PHF20: variants seen among roughly 807,000 people sequenced by gnomAD.
PHF20 encodes the protein glioma-expressed antigen 2.
PHF20 carries 23 observed loss-of-function variants against 113.5 expected under a neutral mutation model. That is an observed-to-expected ratio of 0.20 (90% CI 0.15 to 0.29). The LOEUF (loss-of-function observed/expected upper bound fraction) is 0.29. PHF20 is among the 10% of genes least tolerant of loss of function. PHF20 has a pLI of 1.00. For synonymous variants in PHF20, 434 were observed against 457.3 expected, an observed-to-expected ratio of 0.95 and a Z score of 0.65; for missense variants, 943 against 1,219.6, an observed-to-expected ratio of 0.77 and a Z score of 3.38.
chr20:35,863,424 C>A, intron 6 of PHF20, 24 bp downstream of exon 6: 1 of 1,558,672 alleles, frequency 6.4e-7, no homozygotes. Flanking sequence ...GTGGGCTCTG[C>A]AATGGGCAAT....
intron 13 of PHF20, among the ~76,000 whole-genome samples, chr20:35,921,993 G>A (rs58832721): frequency 0.011 from 1,602 of 152,278 alleles, 18 homozygotes; most frequent in East Asian, 0.04. Flanking sequence ...TCTATAAGTA[G>A]CAAGGATCTT....
At chr20:35,886,618 A>G (rs933652294) in intron 9 of PHF20, among the ~76,000 whole-genome samples, 3 of 152,220 alleles carry the variant, frequency 2.0e-5, no homozygotes, top group African/African-American at 7.2e-5. Flanking sequence ...ACACATGACA[A>G]TGAGAAGTGG....
intron 2 of PHF20, among the ~76,000 whole-genome samples, chr20:35,837,623 T>C (rs773641478): frequency 5.9e-5 from 9 of 152,250 alleles, no homozygotes; most frequent in Admixed American, 1.3e-4. Context: ...CAGTTGATTA[T>C]CAGCAATTAA....
intron 1 of PHF20, among the ~76,000 whole-genome samples, chr20:35,781,621 C>G (rs1305441218): frequency 6.6e-6 from 1 of 152,154 alleles, no homozygotes; most frequent in African/African-American, 2.4e-5. Context: ...GTGCAACCAT[C>G]ACCACTCTCC....
chr20:35,920,812 C>G (rs1424715044), intron 13 of PHF20, among the ~76,000 whole-genome samples: 1 of 152,204 alleles, frequency 6.6e-6, no homozygotes, highest in Non-Finnish European at 1.5e-5. Flanking sequence ...ATAGTAACCT[C>G]TGGGATTCAA....
rs113608351 is a variant in PHF20 at position 35,791,266 on chromosome 20, C to G, written c.-32-10225C>G. Among the ~76,000 whole-genome samples the G allele has an allele frequency of 1.8e-3, 272 of 152,108 alleles. 4 individuals are homozygous for G. The highest frequency in any genetic ancestry group is 6.2e-3 in the African/African-American group (257 of 41,514). On this transcript the variant is annotated intron_variant, in intron 1 of 17. Transcript: ENST00000374012. ...GTGTAATTAACTGGAGTCAGCCTTACCTCGGTTCAATTCCTTGTCCCAATA... is the reference window on the plus strand; with the variant it reads ...GTGTAATTAACTGGAGTCAGCCTTAGCTCGGTTCAATTCCTTGTCCCAATA...
chr20:35,898,113 G>T (rs1286205036), intron 9 of PHF20, among the ~76,000 whole-genome samples: 1 of 151,968 alleles, frequency 6.6e-6, no homozygotes, highest in Admixed American at 6.6e-5. Context: ...GACCTCAGGT[G>T]ATCCGCCCAC....
intron 9 of PHF20, among the ~76,000 whole-genome samples, chr20:35,886,139 C>CTTT (rs199904992): frequency 1.5e-5 from 2 of 137,470 alleles, no homozygotes; most frequent in Non-Finnish European, 3.1e-5. Context: ...TCAGTAAATA[C>CTTT]TTTTTTTTTT....
chr20:35,852,756 G>T (rs1480613319), intron 4 of PHF20, among the ~76,000 whole-genome samples: 1 of 151,630 alleles, frequency 6.6e-6, no homozygotes, highest in Non-Finnish European at 1.5e-5. Context: ...GTGCCACCAC[G>T]CCTGGCTAAT....
chr20:35,827,813 C>T (rs1157242282), intron 2 of PHF20, among the ~76,000 whole-genome samples: 1 of 150,742 alleles, frequency 6.6e-6, no homozygotes, highest in Admixed American at 6.6e-5. Flanking sequence ...GCAGAAGGCT[C>T]TTCACCGGGT....
At chr20:35,775,558 A>G (rs921560274) in intron 1 of PHF20, among the ~76,000 whole-genome samples, 29 of 152,200 alleles carry the variant, frequency 1.9e-4, no homozygotes, top group Middle Eastern at 3.4e-3. Context: ...GTTCGAGACC[A>G]GTCTGGCTAA....
At chr20:35,881,354 G>T (rs2054629559) in intron 9 of PHF20, among the ~76,000 whole-genome samples, 1 of 151,566 alleles carries the variant, frequency 6.6e-6, no homozygotes, top group Admixed American at 6.6e-5. Context: ...CACCGCACCC[G>T]GCCTCCCTAA....
intron 1 of PHF20, among the ~76,000 whole-genome samples, chr20:35,789,698 C>T (rs1437148973): frequency 3.3e-5 from 5 of 151,290 alleles, no homozygotes; most frequent in Non-Finnish European, 5.9e-5. Flanking sequence ...AGGCGTGCAC[C>T]ACCATGCCTG....
intron 3 of PHF20, among the ~76,000 whole-genome samples, chr20:35,845,037 G>A (rs1414092872): frequency 6.6e-6 from 1 of 152,104 alleles, no homozygotes; most frequent in African/African-American, 2.4e-5. Context: ...TCACCAGCCA[G>A]TCCTGGACCA....
At chr20:35,794,652 C>T (rs995854091) in intron 1 of PHF20, among the ~76,000 whole-genome samples, 5 of 152,134 alleles carry the variant, frequency 3.3e-5, no homozygotes, top group African/African-American at 1.2e-4. Flanking sequence ...CCTTGAGAGT[C>T]CCAGAGACTT....
chr20:35,793,995 C>CAAAACAAAAAAAAAAAAAAAA (rs1385077985), intron 1 of PHF20, among the ~76,000 whole-genome samples: 1 of 33,836 alleles, frequency 3.0e-5, no homozygotes, highest in Non-Finnish European at 5.5e-5. Flanking sequence ...GACTCTGTCT[C>CAAAACAAAAAAAAAAAAAAAA]AAAAAAAAAA....
chr20:35,800,715 G>A, intron 1 of PHF20, among the ~76,000 whole-genome samples: 1 of 152,034 alleles, frequency 6.6e-6, no homozygotes, highest in East Asian at 1.9e-4. Context: ...AGGATACGGT[G>A]AGCTGAGATG....
chr20:35,911,886 T>A (rs943446117), intron 10 of PHF20, among the ~76,000 whole-genome samples: 1 of 152,074 alleles, frequency 6.6e-6, no homozygotes, highest in East Asian at 1.9e-4. Context: ...CTCAAGCTCC[T>A]GACCTCAGGT....
intron 2 of PHF20, among the ~76,000 whole-genome samples, chr20:35,809,756 C>T (rs926784732): frequency 6.6e-6 from 1 of 151,682 alleles, no homozygotes; most frequent in South Asian, 2.1e-4. Flanking sequence ...TGGTACATGC[C>T]TGAAGTCCCA....
Sources: gnomAD v4.1 joint callset for allele counts (sites outside exome capture counted in the v4.1 genomes callset) on GRCh38, gnomAD v4.1.1 for gene constraint, MANE v1.5 for transcripts, NCBI Gene and HGNC (gene_info 2026-07-23, HGNC 2026-07-21) for gene names.